CDH12: variants seen among roughly 807,000 people sequenced by gnomAD.
CDH12 encodes cadherin-12.
A neutral mutation model predicts 74.1 loss-of-function variants in CDH12; 41 were observed. The observed-to-expected ratio is 0.55, with a 90% CI of 0.43 to 0.72. The LOEUF (loss-of-function observed/expected upper bound fraction) is 0.72. Among genes scored for constraint, CDH12 ranks in the 30% least tolerant of loss-of-function variants. The pLI is 0.00. For synonymous variants in CDH12, 399 were observed against 355.0 expected (o/e 1.12, Z -1.39); for missense variants, 945 against 977.2 (o/e 0.97, Z 0.44).
At chr5:21,850,894 G>A (rs1202889347) in intron 7 of CDH12, among the ~76,000 whole-genome samples, 3 of 151,184 alleles carry the variant, frequency 2.0e-5, no homozygotes, top group Non-Finnish European at 3.0e-5. Context: ...CATTTATAAA[G>A]GACGTATTTT....
intron 2 of CDH12, among the ~76,000 whole-genome samples, chr5:22,446,241 C>T (rs572704674): frequency 6.6e-6 from 1 of 152,044 alleles, no homozygotes; most frequent in Admixed American, 6.6e-5. Flanking sequence ...AGGTTTGATT[C>T]GACGGTCATC....
chr5:21,977,940 A>C (rs1302992715), intron 5 of CDH12, among the ~76,000 whole-genome samples: 1 of 145,856 alleles, frequency 6.9e-6, no homozygotes, highest in Non-Finnish European at 1.5e-5. Context: ...AATATTTAAA[A>C]TTAAGTGTTA....
chr5:22,232,959 T>C (rs1266202148), intron 3 of CDH12, among the ~76,000 whole-genome samples: 1 of 150,566 alleles, frequency 6.6e-6, no homozygotes, highest in Non-Finnish European at 1.5e-5. Flanking sequence ...CGAATAACCA[T>C]ATAATTGTCG....
chr5:22,044,290 A>G, intron 5 of CDH12, among the ~76,000 whole-genome samples: 1 of 152,170 alleles, frequency 6.6e-6, no homozygotes. Flanking sequence ...TGCTATAATG[A>G]TACTACCTAA....
rs139696186 is a variant in CDH12, at chr5:22,751,822, A to G, written c.-523+101236T>C. ...CATTTATGATAAGATGCTACCATAC[A>G]TATTTATCATGTGTGAGATAATAAA... On this transcript the variant is annotated intron_variant, in intron 1 of 14. Coordinates refer to ENST00000382254, the MANE Select transcript of CDH12 (RefSeq NM_004061.5). Among the ~76,000 whole-genome samples, 14 of 152,350 alleles carry G rather than the reference A, an allele frequency of 9.2e-5. No individual in the cohort carries two copies. The East Asian group carries it at 2.1e-3, about 23-fold the overall frequency.
chr5:22,254,572 A>AT (rs1300859173), intron 3 of CDH12, among the ~76,000 whole-genome samples: 1 of 151,832 alleles, frequency 6.6e-6, no homozygotes, highest in Non-Finnish European at 1.5e-5. Flanking sequence ...ATCAGGTTTA[A>AT]TACCTGAGTG....
At chr5:21,877,506 G>A (rs1752001441) in intron 6 of CDH12, among the ~76,000 whole-genome samples, 1 of 152,094 alleles carries the variant, frequency 6.6e-6, no homozygotes, top group Non-Finnish European at 1.5e-5. Context: ...AGTTAATAAA[G>A]GAACAAATAA....
chr5:22,630,960 C>T (rs1738552540), intron 1 of CDH12, among the ~76,000 whole-genome samples: 3 of 151,966 alleles, frequency 2.0e-5, no homozygotes, highest in Admixed American at 2.0e-4. Context: ...CAAACAATCC[C>T]ATGAAATTGT....
At chr5:22,192,099 A>G (rs1750343103) in intron 4 of CDH12, among the ~76,000 whole-genome samples, 1 of 151,616 alleles carries the variant, frequency 6.6e-6, no homozygotes, top group South Asian at 2.1e-4. Context: ...ATGCCCAGCT[A>G]ATTTTTGTTT....
chr5:22,699,376 T>C (rs1343357587), intron 1 of CDH12, among the ~76,000 whole-genome samples: 1 of 152,230 alleles, frequency 6.6e-6, no homozygotes, highest in African/African-American at 2.4e-5. Context: ...CAAAGTGGGA[T>C]TTCATGTGAA....
intron 3 of CDH12, among the ~76,000 whole-genome samples, chr5:22,322,054 T>C (rs2150437838): frequency 6.6e-6 from 1 of 152,354 alleles, no homozygotes; most frequent in East Asian, 1.9e-4. Flanking sequence ...AGAATATCAT[T>C]TTAATGAGTG....
chr5:22,162,279 G>A (rs1239463134), intron 4 of CDH12, among the ~76,000 whole-genome samples: 1 of 152,010 alleles, frequency 6.6e-6, no homozygotes, highest in Non-Finnish European at 1.5e-5. Context: ...GTTGCCACCC[G>A]TTTCTCTCTC....
intron 1 of CDH12, among the ~76,000 whole-genome samples, chr5:22,704,855 C>A (rs1742906019): frequency 2.6e-5 from 4 of 151,828 alleles, no homozygotes; most frequent in Admixed American, 2.0e-4. Flanking sequence ...GATTTGTTTT[C>A]TTTTGCCTCA....
chr5:22,001,875 G>C (rs1012964335), intron 5 of CDH12, among the ~76,000 whole-genome samples: 3 of 151,908 alleles, frequency 2.0e-5, no homozygotes, highest in African/African-American at 7.3e-5. Flanking sequence ...TGTTATCATG[G>C]AGTTGCTGTA....
At position 21,832,942 on chromosome 5, in the gene CDH12, A is replaced by T. The variant is rs56017518; in HGVS notation, c.814+9219T>A. On this transcript the variant is annotated intron_variant, in intron 8 of 14. Coordinates refer to ENST00000382254, the MANE Select transcript of CDH12 (RefSeq NM_004061.5). ...TTAATATATATCATATATTATATAT[A>T]ATATCATATTATGTAATATGATATA... Among the ~76,000 whole-genome samples the T allele has an allele frequency of 6.0e-3, 579 of 96,594 alleles. 6 individuals carry two copies. The highest frequency in any genetic ancestry group is 0.021 in the African/African-American group (492 of 23,798). The allele number at this position is 96,594 out of a possible 152,430, so 63.4% of individuals were successfully genotyped here.
At chr5:22,701,361 G>A (rs1742704670) in intron 1 of CDH12, among the ~76,000 whole-genome samples, 1 of 151,890 alleles carries the variant, frequency 6.6e-6, no homozygotes, top group African/African-American at 2.4e-5. Context: ...GTCTTGAAAT[G>A]CTACAACCTT....
intron 4 of CDH12, among the ~76,000 whole-genome samples, chr5:22,201,042 T>C (rs1230759270): frequency 1.3e-5 from 2 of 152,170 alleles, no homozygotes; most frequent in African/African-American, 2.4e-5. Flanking sequence ...TGAAGGACAA[T>C]AGATCTAGTC....
In CDH12 at chr5:21,956,213, A is replaced by C. The variant is rs190619557; in HGVS notation, c.526+18878T>G. Among the ~76,000 whole-genome samples the C allele has an allele frequency of 7.5e-4, 114 of 152,234 alleles. No homozygotes were observed. The Middle Eastern group carries it at 0.024, about 32-fold the overall frequency. On this transcript the variant is annotated intron_variant, in intron 6 of 14. Transcript: ENST00000382254. ...TTAGATACCATTGAAGGAATAATTA[A>C]TATACTGAAATACAGGTCAGTAGAA...
rs189948133 is a variant in CDH12, at chr5:22,032,895, A to C, written c.231+45551T>G. 4.0e-3 allele frequency among the ~76,000 whole-genome samples: 601 copies of C among 151,542 alleles called. 8 individuals carry two copies. The highest frequency in any genetic ancestry group is 0.014 in the Middle Eastern group (4 of 292). On this transcript the variant is annotated intron_variant, in intron 5 of 14. Coordinates refer to ENST00000382254, the MANE Select transcript of CDH12 (RefSeq NM_004061.5). Reference sequence around the variant, plus strand: ...GCTGAACTTCAAGGTGCAGTGAAGCAGACAGAAGAGATACCTAGCCTTGTC... The same window carrying C: ...GCTGAACTTCAAGGTGCAGTGAAGCCGACAGAAGAGATACCTAGCCTTGTC...
Sources: allele counts gnomAD v4.1 joint callset (sites outside exome capture counted in the v4.1 genomes callset), GRCh38; gene constraint gnomAD v4.1.1; transcripts MANE v1.5; gene names NCBI Gene and HGNC (gene_info 2026-07-23, HGNC 2026-07-21).